NPHP1: variants seen among roughly 807,000 people sequenced by gnomAD.
The protein encoded by NPHP1 is nephrocystin 1.
A neutral mutation model predicts 90.4 loss-of-function variants in NPHP1; 70 were observed. The observed-to-expected ratio is 0.77, with a 90% CI of 0.64 to 0.95. The LOEUF (loss-of-function observed/expected upper bound fraction) is 0.95. NPHP1 is among the 40% of genes least tolerant of loss of function. The probability of loss-of-function intolerance (pLI) is 0.00; values close to 1 mark genes in which losing one functional copy is unlikely to be tolerated. For missense variants in NPHP1, 764 were observed against 795.9 expected, an observed-to-expected ratio of 0.96 and a Z score of 0.48; for synonymous variants, 256 against 271.7, an observed-to-expected ratio of 0.94 and a Z score of 0.57.
In NPHP1 at chr2:110,146,187, T is replaced by C. The variant is rs944386319; in HGVS notation, c.1352+566A>G. Among the ~76,000 whole-genome samples, 6 of 152,308 alleles carry C rather than the reference T, an allele frequency of 3.9e-5. No individual in the cohort carries two copies. In the East Asian group the frequency reaches 1.2e-3, roughly 29 times the overall value. The stretch of plus-strand genomic sequence containing the variant: ...CTTGTTTATATCCTAGATTTAGATC[T>C]TTCTTTTCCTCCATTTTAAAATTTA... On this transcript the variant is annotated intron_variant, in intron 14 of 19. Transcript: ENST00000445609.
At chr2:110,201,046 A>C (rs1039545903) in intron 2 of NPHP1, among the ~76,000 whole-genome samples, 1 of 152,154 alleles carries the variant, frequency 6.6e-6, no homozygotes, top group Admixed American at 6.5e-5. Context: ...AAGTAAAAAC[A>C]AATACAAAAC....
intron 14 of NPHP1, 115 bp from the exon 15 acceptor site, chr2:110,144,684 C>T (rs1007121842): frequency 5.6e-6 from 4 of 713,636 alleles, no homozygotes; most frequent in African/African-American, 1.8e-5. Context: ...ATTTATGCCT[C>T]GTTGGTAAAT....
chr2:110,150,150 C>G, intron 12 of NPHP1, 32 bp downstream of exon 12: 1 of 1,493,070 alleles, frequency 6.7e-7, no homozygotes, highest in Non-Finnish European at 9.4e-7. Context: ...CTTTGAAATT[C>G]ACTCACTCCA....
chr2:110,168,871 TAC>T, intron 5 of NPHP1, among the ~76,000 whole-genome samples: 1 of 152,142 alleles, frequency 6.6e-6, no homozygotes, highest in Non-Finnish European at 1.5e-5. Context: ...AAAATTCAAT[TAC>T]TGCGTAAAAT....
At chr2:110,163,241 A>C (rs1004139610) in intron 8 of NPHP1, 106 bp from the exon 9 acceptor site, 2 of 811,040 alleles carry the variant, frequency 2.5e-6, no homozygotes, top group African/African-American at 3.4e-5. Flanking sequence ...AAATATAAAC[A>C]TACAGACTTT....
At chr2:110,199,239 C>G (rs1026258469) in intron 2 of NPHP1, among the ~76,000 whole-genome samples, 2 of 151,956 alleles carry the variant, frequency 1.3e-5, no homozygotes, top group African/African-American at 4.8e-5. Context: ...TTGAGAGCAG[C>G]CTGGCCAACA....
At chr2:110,147,844 G>T (rs1681174234) in intron 13 of NPHP1, 72 bp downstream of exon 13, 4 of 881,834 alleles carry the variant, frequency 4.5e-6, no homozygotes, top group Middle Eastern at 2.3e-4. Flanking sequence ...GGATTTCCTT[G>T]TCAATAGACA....
At chr2:110,158,939 C>G (rs1682107851) in intron 11 of NPHP1, among the ~76,000 whole-genome samples, 1 of 151,870 alleles carries the variant, frequency 6.6e-6, no homozygotes, top group Non-Finnish European at 1.5e-5. Flanking sequence ...AATTTGAGGA[C>G]TCTCCCTTCT....
rs752023365 is a variant in NPHP1 at position 110,144,534 on chromosome 2, T to C, written c.1388A>G (p.Tyr463Cys). Residue 463 changes from tyrosine (Y) to cysteine (C), a missense_variant, in exon 15 of 20, where the codon TAT (tyrosine) becomes TGT (cysteine). Physicochemically the swap from Tyr to Cys is radical, Grantham distance 194. Transcript: ENST00000445609. ...YELFLNGGTP[Y>C]EKGIEVDPSI... ...AGGGTCCACTTCAATACCTTTTTCA[T>C]AAGGAGTACCACCATTCAAGAAAAG... 1 of 1,606,478 alleles carries C rather than the reference T, an allele frequency of 6.2e-7. No individual in the cohort carries two copies. The highest frequency in any genetic ancestry group is 1.1e-5 in the South Asian group (1 of 90,916).
intron 2 of NPHP1, among the ~76,000 whole-genome samples, chr2:110,191,574 T>C (rs1438246986): frequency 6.6e-6 from 1 of 152,148 alleles, no homozygotes. Context: ...AGAGTCCACC[T>C]CTGGGGACAG....
chr2:110,146,560 T>C (rs1403368539), intron 14 of NPHP1, among the ~76,000 whole-genome samples, 193 bp downstream of exon 14: 2 of 152,096 alleles, frequency 1.3e-5, no homozygotes, highest in Non-Finnish European at 2.9e-5. Flanking sequence ...TCTCTAGGAG[T>C]CATTTCTTCC....
At chr2:110,144,271 CTCATTCTTCATGATT>C (rs1686081136) in intron 15 of NPHP1, 2 of 546,360 alleles carry the variant, frequency 3.7e-6, no homozygotes, top group Non-Finnish European at 6.6e-6. Context: ...TGCATTAGTT[CTCATTCTTCATGATT>C]TCATTCTTCA....
intron 16 of NPHP1, 95 bp downstream of exon 16, chr2:110,143,447 A>C (rs1680793254): frequency 1.2e-6 from 1 of 859,436 alleles, no homozygotes; most frequent in Admixed American, 1.8e-5. Flanking sequence ...ATTATAACAA[A>C]AGATGACTAA....
At chr2:110,191,045 T>C (rs1240528277) in intron 2 of NPHP1, among the ~76,000 whole-genome samples, 1 of 152,104 alleles carries the variant, frequency 6.6e-6, no homozygotes, top group Non-Finnish European at 1.5e-5. Flanking sequence ...GGTTCCAAGA[T>C]GGCCAAATAC....
At chr2:110,134,053 G>A (rs563829434) in intron 16 of NPHP1, among the ~76,000 whole-genome samples, 6 of 151,978 alleles carry the variant, frequency 3.9e-5, no homozygotes, top group African/African-American at 1.4e-4. Context: ...AAACAATAGA[G>A]AAAATCAATG....
chr2:110,126,472 A>T (rs1183254844), intron 18 of NPHP1: 2 of 152,390 alleles, frequency 1.3e-5, no homozygotes, highest in Non-Finnish European at 2.9e-5. Context: ...AGCGTTTCTC[A>T]GCAGGAGATA....
chr2:110,201,449 G>T lies in NPHP1; in HGVS notation c.115C>A (p.Pro39Thr), dbSNP rs33958626. ...SESQLKEALE[P>T]NKRQHIYQRC... is the part of the protein sequence containing the mutation. Reference sequence around the variant, plus strand: ...TGATAAATATGTTGTCTTTTATTGGGTTCTAGAGCTTCTTTCAGTTGGCTC... The same window carrying T: ...TGATAAATATGTTGTCTTTTATTGGTTTCTAGAGCTTCTTTCAGTTGGCTC... Residue 39 changes from proline (P) to threonine (T), a missense_variant, in exon 2 of 20, where the codon CCC becomes ACC. By Grantham distance (38) the Pro-to-Thr change is conservative. Coordinates refer to ENST00000445609, the MANE Select transcript of NPHP1 (RefSeq NM_001128178.3). 0.033 allele frequency: 53,565 copies of T among 1,608,126 alleles called. 1,199 individuals carry two copies. The highest frequency in any genetic ancestry group is 0.039 in the Middle Eastern group (229 of 5,902).
intron 13 of NPHP1, among the ~76,000 whole-genome samples, chr2:110,147,476 C>T (rs1341558915): frequency 6.6e-6 from 1 of 152,164 alleles, no homozygotes; most frequent in East Asian, 1.9e-4. Context: ...GCACAGAGCC[C>T]CACCCACTGG....
Position 110,135,741 on chromosome 2 carries a change from G to T in NPHP1, c.1530-3950C>A, listed in dbSNP as rs1024569762. Among the ~76,000 whole-genome samples, 6 of 152,136 alleles carry T rather than the reference G, an allele frequency of 3.9e-5. No individual in the cohort carries two copies. The East Asian group carries it at 9.6e-4, about 24-fold the overall frequency. ...CTTCTATCAAAAGGAAGATGTCTTT[G>T]GGCTGAGAAAAATCACCAAAGATTT... On this transcript the variant is annotated intron_variant, in intron 16 of 19. Coordinates refer to ENST00000445609, the MANE Select transcript of NPHP1 (RefSeq NM_001128178.3).
Sources: gnomAD v4.1 joint callset for allele counts (sites outside exome capture counted in the v4.1 genomes callset) on GRCh38, gnomAD v4.1.1 for gene constraint, MANE v1.5 for transcripts, NCBI Gene and HGNC (gene_info 2026-07-23, HGNC 2026-07-21) for gene names.